Variants in PHF2 observed in about 807,000 individuals in gnomAD.
PHF2 encodes the protein PHD finger protein 2.
Under a neutral mutation model 120.5 loss-of-function variants are expected in PHF2, and 27 were observed. The ratio of observed to expected loss-of-function variants is 0.22; its 90% CI spans 0.17 to 0.31. PHF2 has a LOEUF of 0.31. Among genes scored for constraint, PHF2 ranks in the 10% least tolerant of loss-of-function variants. The pLI is 1.00. For synonymous variants in PHF2, 568 were observed against 592.5 expected, an observed-to-expected ratio of 0.96 and a Z score of 0.60; for missense variants, 1,024 against 1,434.8, an observed-to-expected ratio of 0.71 and a Z score of 4.63.
chr9:93,649,480 G>A (rs1277606531), intron 5 of PHF2, among the ~76,000 whole-genome samples: 1 of 145,556 alleles, frequency 6.9e-6, no homozygotes, highest in African/African-American at 2.6e-5. Context: ...AAAATAAGGA[G>A]CAAAAAGGCA....
At chr9:93,668,214 G>C (rs1826717231) in intron 17 of PHF2, among the ~76,000 whole-genome samples, 1 of 152,194 alleles carries the variant, frequency 6.6e-6, no homozygotes, top group African/African-American at 2.4e-5. Flanking sequence ...AGCATGACAG[G>C]AGGCTTCCAT....
At chr9:93,620,501 G>A (rs1278669452) in intron 1 of PHF2, among the ~76,000 whole-genome samples, 1 of 152,208 alleles carries the variant, frequency 6.6e-6, no homozygotes. Flanking sequence ...GTGGCTGCTT[G>A]CCTCTCAGGT....
At chr9:93,626,548 A>G (rs1825918154) in intron 1 of PHF2, among the ~76,000 whole-genome samples, 1 of 152,088 alleles carries the variant, frequency 6.6e-6, no homozygotes, top group Admixed American at 6.5e-5. Flanking sequence ...TACTCTGTTG[A>G]TAGTGTCCTT....
intron 1 of PHF2, among the ~76,000 whole-genome samples, chr9:93,603,317 G>A (rs576721066): frequency 2.6e-5 from 4 of 152,304 alleles, no homozygotes; most frequent in Admixed American, 2.6e-4. Context: ...TCCCGACCCC[G>A]ACTTAGCTGT....
At position 93,665,270 on chromosome 9, in the gene PHF2, G is replaced by A. The variant is rs550415160; in HGVS notation, c.1938-416G>A. 3.3e-5 allele frequency among the ~76,000 whole-genome samples: 5 copies of A among 152,346 alleles called. No individual in the cohort carries two copies. In the South Asian group the frequency reaches 6.2e-4, roughly 19 times the overall value. ...TGTGCCAGGATTCCTAGGCAGGCCCGAGGCGGGGCTTAAGCTTGTCCAGTG... is the reference window on the plus strand; with the variant it reads ...TGTGCCAGGATTCCTAGGCAGGCCCAAGGCGGGGCTTAAGCTTGTCCAGTG... On this transcript the variant is annotated intron_variant, in intron 14 of 21. Coordinates refer to ENST00000359246, the MANE Select transcript of PHF2 (RefSeq NM_005392.4).
rs142214651 is a variant in PHF2, at chr9:93,670,194, C to T, written c.2348+2954C>T. ...AGGTCCAGGGAGCAGAGGGAGAGGA[C>T]GGCAGGCACCCCGTGTGCCCCAAGT... On this transcript the variant is annotated intron_variant, in intron 17 of 21. Coordinates refer to ENST00000359246, the MANE Select transcript of PHF2 (RefSeq NM_005392.4). Among the ~76,000 whole-genome samples the T allele has an allele frequency of 1.4e-3, 212 of 152,314 alleles. 2 individuals are homozygous for T. Among genetic ancestry groups the T allele is most frequent in the African/African-American group, 4.4e-3 (184 of 41,568 alleles).
intron 3 of PHF2, among the ~76,000 whole-genome samples, chr9:93,643,009 T>C (rs2131670263): frequency 6.6e-6 from 1 of 152,300 alleles, no homozygotes; most frequent in Non-Finnish European, 1.5e-5. Flanking sequence ...CTGAATGTGT[T>C]GAGTATATTT....
intron 1 of PHF2, among the ~76,000 whole-genome samples, chr9:93,603,940 T>TC (rs1825491303): frequency 6.6e-6 from 1 of 152,136 alleles, no homozygotes; most frequent in Non-Finnish European, 1.5e-5. Context: ...CACCTCCAGA[T>TC]CCCCCAGCCT....
intron 1 of PHF2, among the ~76,000 whole-genome samples, chr9:93,590,965 G>C (rs1825207503): frequency 1.3e-5 from 2 of 152,242 alleles, no homozygotes; most frequent in South Asian, 4.1e-4. Flanking sequence ...ACACCTCTGG[G>C]TGGCTCCCCA....
At chr9:93,669,283 C>G (rs529101112) in intron 17 of PHF2, among the ~76,000 whole-genome samples, 1 of 152,196 alleles carries the variant, frequency 6.6e-6, no homozygotes, top group African/African-American at 2.4e-5. Flanking sequence ...CAGGGCCTGC[C>G]AGAGGATGCA....
chr9:93,660,389 G>GCCCCCCC lies in PHF2; in HGVS notation c.1527_1528insCCCCCCC (p.Lys510ProfsTer6). The stretch of plus-strand genomic sequence containing the variant: ...AGCCATCCAAAATCCCCAAGCCCCC[G>GCCCCCCC]AAGCCCCCTAAGCCCCCAAGGCCCC... On this transcript the variant is annotated frameshift_variant, in exon 12 of 22. Coordinates refer to ENST00000359246, the MANE Select transcript of PHF2 (RefSeq NM_005392.4). LOFTEE classifies it high-confidence loss of function. The GCCCCCCC allele has an allele frequency of 3.3e-6, 1 of 302,846 alleles. No individual in the cohort carries two copies. Among genetic ancestry groups the GCCCCCCC allele is most frequent in the Non-Finnish European group, 5.0e-6 (1 of 200,158 alleles). 18.8% of individuals were successfully genotyped at this position (302,846 alleles called of 1,614,324 possible). A position where few individuals can be genotyped will look rare whatever the true frequency, so the allele number is the denominator to read the frequency against.
chr9:93,634,932 C>T (rs1826065308), intron 2 of PHF2, among the ~76,000 whole-genome samples: 1 of 152,230 alleles, frequency 6.6e-6, no homozygotes, highest in East Asian at 1.9e-4. Context: ...CATGTGCCAA[C>T]CTACATCCCA....
intron 1 of PHF2, among the ~76,000 whole-genome samples, chr9:93,609,553 GTT>G (rs544292720): frequency 1.1e-4 from 15 of 142,250 alleles, no homozygotes; most frequent in African/African-American, 3.3e-4. Context: ...TTCTAGGTTG[GTT>G]TTTTTTTTTT....
At chr9:93,618,831 G>C (rs1357154693) in intron 1 of PHF2, among the ~76,000 whole-genome samples, 4 of 141,838 alleles carry the variant, frequency 2.8e-5, no homozygotes, top group African/African-American at 7.9e-5. Flanking sequence ...TGTGTGATGT[G>C]TGTGGTGTGT....
Position 93,649,272 on chromosome 9 carries a change from C to G in PHF2, c.602+60C>G, listed in dbSNP as rs559316005. 557 of 1,436,040 alleles carry G rather than the reference C, an allele frequency of 3.9e-4. 5 individuals are homozygous for G. The highest frequency in any genetic ancestry group is 4.2e-5 in the Non-Finnish European group (44 of 1,046,492). The allele number at this position is 1,436,040 out of a possible 1,614,324, so 89.0% of individuals were successfully genotyped here. ...GGTTGGGGCAGGGGCGCTGTGCCGT[C>G]CTTGGTAGTCGCCTGAGAAGCACAG... On this transcript the variant is annotated intron_variant, in intron 5 of 21. Transcript: ENST00000359246.
rs536397907 is a variant in PHF2, at chr9:93,654,582, G to A, written c.952+7G>A. On this transcript the variant is annotated splice_region_variant and intron_variant, in intron 7 of 21. Coordinates refer to ENST00000359246, the MANE Select transcript of PHF2 (RefSeq NM_005392.4). ...ACCCTCTTCATCCCCTCAGGTGAGT[G>A]CGGGCAGCTTTGGGGACCATGTACT... The A allele has an allele frequency of 8.1e-6, 13 of 1,611,538 alleles. No individual in the cohort carries two copies. Among genetic ancestry groups the A allele is most frequent in the Admixed American group, 5.0e-5 (3 of 60,016 alleles).
chr9:93,667,576 G>A (rs764994476), intron 17 of PHF2, among the ~76,000 whole-genome samples: 2 of 152,212 alleles, frequency 1.3e-5, no homozygotes, highest in Non-Finnish European at 2.9e-5. Context: ...AGGGGGCAGA[G>A]GTGTAGCCCC....
At chr9:93,670,592 C>T (rs112499459) in intron 17 of PHF2, among the ~76,000 whole-genome samples, 1 of 152,168 alleles carries the variant, frequency 6.6e-6, no homozygotes, top group South Asian at 2.1e-4. Context: ...GCCAGGGCTG[C>T]ATCCCATGGG....
At chr9:93,604,909 A>C (rs1825511704) in intron 1 of PHF2, among the ~76,000 whole-genome samples, 1 of 151,878 alleles carries the variant, frequency 6.6e-6, no homozygotes, top group Non-Finnish European at 1.5e-5. Flanking sequence ...TAGCATTCCC[A>C]CCCATGACCA....
Sources: allele counts gnomAD v4.1 joint callset (sites outside exome capture counted in the v4.1 genomes callset), GRCh38; gene constraint gnomAD v4.1.1; transcripts MANE v1.5; gene names NCBI Gene and HGNC (gene_info 2026-07-23, HGNC 2026-07-21).